The following FKBP5 variants were observed in gnomAD, a reference collection of about 807,000 sequenced individuals.
The protein encoded by FKBP5 is FKBP prolyl isomerase 5.
In FKBP5, 23 loss-of-function variants were observed where a neutral mutation model predicts 50.5. The observed-to-expected ratio is 0.46, with a 90% CI of 0.33 to 0.65. The LOEUF (loss-of-function observed/expected upper bound fraction) is 0.65, where lower values mean the gene tolerates loss of function less well. Among genes scored for constraint, FKBP5 ranks in the 30% least tolerant of loss-of-function variants. The probability of loss-of-function intolerance (pLI) is 0.02; values close to 1 mark genes in which losing one functional copy is unlikely to be tolerated. For synonymous variants in FKBP5, 176 were observed against 190.6 expected (o/e 0.92, Z 0.63); for missense variants, 411 against 553.1 (o/e 0.74, Z 2.58).
intron 1 of FKBP5, among the ~76,000 whole-genome samples, chr6:35,651,068 T>C (rs1342734863): frequency 6.6e-6 from 1 of 152,130 alleles, no homozygotes; most frequent in Non-Finnish European, 1.5e-5. Flanking sequence ...ATTAAGTGAA[T>C]GGTGAGTTGC....
At chr6:35,696,621 A>T (rs762098536) in intron 2 of FKBP5, among the ~76,000 whole-genome samples, 36 of 152,210 alleles carry the variant, frequency 2.4e-4, no homozygotes, top group African/African-American at 3.4e-4. Flanking sequence ...AAAAATGCCA[A>T]TTCTTCCCAA....
At chr6:35,691,957 C>T (rs2151016058), upstream of FKBP5, among the ~76,000 whole-genome samples, 2 of 152,280 alleles carry the variant, frequency 1.3e-5, no homozygotes, top group South Asian at 4.1e-4. Flanking sequence ...ATTCTTAGTA[C>T]TTTCTCAACA....
intron 3 of FKBP5, among the ~76,000 whole-genome samples, chr6:35,635,937 A>T (rs1764297780): frequency 6.6e-6 from 1 of 152,222 alleles, no homozygotes; most frequent in African/African-American, 2.4e-5. Flanking sequence ...ATCTGATACT[A>T]CATCAAAACT....
At chr6:35,661,770 CA>C (rs767195179) in intron 1 of FKBP5, among the ~76,000 whole-genome samples, 1,025 of 33,276 alleles carry the variant, frequency 0.031, 237 homozygotes, top group African/African-American at 0.075. Flanking sequence ...AACTCCGTCT[CA>C]AAAAAAAAAA....
At chr6:35,586,439 TA>T (rs1762601015) in intron 8 of FKBP5, 1 of 985,506 alleles carries the variant, frequency 1.0e-6, no homozygotes, top group Non-Finnish European at 1.2e-6. Flanking sequence ...TCTCTCCTTT[TA>T]TCATATGCTC....
chr6:35,601,581 A>G (rs974522056), intron 5 of FKBP5, among the ~76,000 whole-genome samples: 15 of 152,142 alleles, frequency 9.9e-5, no homozygotes, highest in Non-Finnish European at 2.2e-4. Context: ...TCCTACCAAA[A>G]CAAAACAGAA....
chr6:35,725,490 C>G (rs1282452081), intron 1 of FKBP5, among the ~76,000 whole-genome samples: 1 of 152,152 alleles, frequency 6.6e-6, no homozygotes, highest in Non-Finnish European at 1.5e-5. Context: ...AGTTTCAAGG[C>G]TGGGTGATGG....
intron 1 of FKBP5, among the ~76,000 whole-genome samples, chr6:35,678,712 G>A (rs754062304): frequency 2.1e-4 from 32 of 151,870 alleles, no homozygotes; most frequent in African/African-American, 7.5e-4. Flanking sequence ...ACAAAATTTC[G>A]GGAAAAAACT....
chr6:35,723,021 C>T (rs1766642373), intron 1 of FKBP5, among the ~76,000 whole-genome samples: 1 of 152,148 alleles, frequency 6.6e-6, no homozygotes, highest in Non-Finnish European at 1.5e-5. Flanking sequence ...ATCATGAGAT[C>T]AGGAGATCGA....
chr6:35,645,798 T>G (rs1266476423), intron 1 of FKBP5, among the ~76,000 whole-genome samples: 1 of 152,186 alleles, frequency 6.6e-6, no homozygotes, highest in Non-Finnish European at 1.5e-5. Flanking sequence ...GCTAAATTTT[T>G]AAATGAAAAT....
chr6:35,697,183 A>G (rs1766094615), intron 2 of FKBP5, among the ~76,000 whole-genome samples: 1 of 152,228 alleles, frequency 6.6e-6, no homozygotes, highest in South Asian at 2.1e-4. Flanking sequence ...GCCCAATTCA[A>G]ATGTCTAACA....
intron 1 of FKBP5, among the ~76,000 whole-genome samples, chr6:35,662,819 A>G (rs1765109113): frequency 6.6e-6 from 1 of 152,210 alleles, no homozygotes; most frequent in South Asian, 2.1e-4. Flanking sequence ...CCTACACACC[A>G]TGAATACCTA....
chr6:35,639,710 C>CA (rs1398005909), intron 2 of FKBP5, among the ~76,000 whole-genome samples: 1 of 152,102 alleles, frequency 6.6e-6, no homozygotes, highest in Non-Finnish European at 1.5e-5. Flanking sequence ...TGCAAGTCCC[C>CA]AAAATTTGAC....
At chr6:35,619,571 T>C (rs912404858) in intron 4 of FKBP5, among the ~76,000 whole-genome samples, 1 of 152,186 alleles carries the variant, frequency 6.6e-6, no homozygotes, top group East Asian at 1.9e-4. Flanking sequence ...GTTTATGGAG[T>C]TCCCTTCTCA....
intron 1 of FKBP5, among the ~76,000 whole-genome samples, chr6:35,646,870 T>A (rs908042974): frequency 1.3e-5 from 2 of 152,158 alleles, no homozygotes; most frequent in African/African-American, 2.4e-5. Context: ...AACAGAAAAA[T>A]GAGAATACAC....
chr6:35,687,585 CA>C (rs1765864688), intron 1 of FKBP5, among the ~76,000 whole-genome samples: 1 of 152,176 alleles, frequency 6.6e-6, no homozygotes, highest in Admixed American at 6.5e-5. Context: ...CACAATCTAA[CA>C]AAATGGGAAG....
intron 1 of FKBP5, among the ~76,000 whole-genome samples, chr6:35,669,411 ATC>A (rs1310164621): frequency 6.6e-6 from 1 of 152,232 alleles, no homozygotes; most frequent in African/African-American, 2.4e-5. Context: ...ATATTTAAGC[ATC>A]TGATATGAAT....
chr6:35,723,671 C>T (rs1189335742), intron 1 of FKBP5, among the ~76,000 whole-genome samples: 2 of 152,160 alleles, frequency 1.3e-5, no homozygotes, highest in African/African-American at 4.8e-5. Flanking sequence ...GTCAGAAAGA[C>T]AAAATGTGCC....
intron 2 of FKBP5, among the ~76,000 whole-genome samples, chr6:35,700,559 G>A (rs1256230313): frequency 1.3e-5 from 2 of 152,138 alleles, no homozygotes; most frequent in Non-Finnish European, 2.9e-5. Flanking sequence ...AGCTTTCAAA[G>A]GTATGGCTCA....
Sources: allele counts gnomAD v4.1 joint callset (sites outside exome capture counted in the v4.1 genomes callset), GRCh38; gene constraint gnomAD v4.1.1; transcripts MANE v1.5; gene names NCBI Gene and HGNC (gene_info 2026-07-23, HGNC 2026-07-21).